The following UBL7 variants were observed in gnomAD, a reference collection of about 807,000 sequenced individuals.
The protein encoded by UBL7 is ubiquitin like 7.
UBL7 carries 21 observed loss-of-function variants against 41.7 expected under a neutral mutation model. That is an observed-to-expected ratio of 0.50 (90% CI 0.36 to 0.73). UBL7 has a LOEUF of 0.73. Ranked by LOEUF, UBL7 falls within the 30% of genes least tolerant of loss-of-function variation. The pLI, the probability that UBL7 is intolerant of heterozygous loss-of-function variation, is 0.00. For missense variants in UBL7, 403 were observed against 478.4 expected, an observed-to-expected ratio of 0.84 and a Z score of 1.47; for synonymous variants, 157 against 186.9, an observed-to-expected ratio of 0.84 and a Z score of 1.31.
chr15:74,449,344 A>C lies in UBL7; in HGVS notation c.724T>G (p.Ser242Ala), dbSNP rs1163765532. ...CTGGGAGTACTGCTAGAGGGTGTGGACCTGGTGTTCTGGAGAAAGAAGACA... is the reference window on the plus strand; with the variant it reads ...CTGGGAGTACTGCTAGAGGGTGTGGCCCTGGTGTTCTGGAGAAAGAAGACA... ...DEDDFHPNTR[S>A]TPSSSTPSSR... Residue 242 changes from serine to alanine, a missense_variant, in exon 9 of 11, where the codon TCC (serine) becomes GCC (alanine). Physicochemically the swap from Ser to Ala is moderately conservative, Grantham distance 99. Coordinates refer to ENST00000395081, the MANE Select transcript of UBL7 (RefSeq NM_032907.5). 6.2e-7 allele frequency: 1 copy of C among 1,614,016 alleles called. No individual in the cohort carries two copies. Among genetic ancestry groups the C allele is most frequent in the Non-Finnish European group, 8.5e-7 (1 of 1,179,966 alleles).
In UBL7 at chr15:74,445,993, G is replaced by T; in HGVS notation, c.*97C>A. 1 of 1,492,468 alleles carries T rather than the reference G, an allele frequency of 6.7e-7. No homozygotes were observed. Among genetic ancestry groups the T allele is most frequent in the Non-Finnish European group, 9.1e-7 (1 of 1,104,372 alleles). 92.5% of individuals were successfully genotyped at this position (1,492,468 alleles called of 1,614,324 possible). Reference sequence around the variant, plus strand: ...ACAAAGCAGGAGAGTTGACCATCAGGTATATTGGGGAAGGGAGAGATGGAG... The same window carrying T: ...ACAAAGCAGGAGAGTTGACCATCAGTTATATTGGGGAAGGGAGAGATGGAG... On this transcript the variant is annotated 3_prime_UTR_variant, in exon 11 of 11. Transcript: ENST00000395081.
chr15:74,450,980 T>C, intron 5 of UBL7, 121 bp from the exon 6 acceptor site: 2 of 1,032,420 alleles, frequency 1.9e-6, no homozygotes, highest in Non-Finnish European at 2.9e-6. Flanking sequence ...CCAATCTTCA[T>C]GAGAAGTAGA....
At chr15:74,456,201 G>C (rs530423102) in intron 3 of UBL7, among the ~76,000 whole-genome samples, 21 of 152,116 alleles carry the variant, frequency 1.4e-4, no homozygotes, top group Admixed American at 2.6e-4. Flanking sequence ...GGGAGGCTGA[G>C]GCATGAGAAT....
intron 1 of UBL7, 178 bp downstream of exon 1, chr15:74,460,858 GT>G: frequency 8.4e-7 from 1 of 1,194,604 alleles, no homozygotes; most frequent in Non-Finnish European, 1.1e-6. Context: ...TCCACCTCAA[GT>G]TTATGCCAGA....
chr15:74,449,847 C>G, intron 7 of UBL7, 89 bp downstream of exon 7: 2 of 1,546,472 alleles, frequency 1.3e-6, no homozygotes, highest in Non-Finnish European at 1.7e-6. Context: ...ACGCCCTCTG[C>G]CAACGCTATA....
At chr15:74,451,210 G>C (rs2061242630) in intron 5 of UBL7, among the ~76,000 whole-genome samples, 2 of 151,980 alleles carry the variant, frequency 1.3e-5, no homozygotes, top group African/African-American at 2.4e-5. Context: ...TCCTCATTTG[G>C]CATCCTCATA....
At chr15:74,452,801 T>C (rs1319511176) in intron 3 of UBL7, among the ~76,000 whole-genome samples, 1 of 152,092 alleles carries the variant, frequency 6.6e-6, no homozygotes, top group Non-Finnish European at 1.5e-5. Flanking sequence ...AACCTCCACC[T>C]CCCTGGTTGA....
intron 7 of UBL7, 40 bp downstream of exon 7, chr15:74,449,896 G>T: frequency 5.7e-6 from 9 of 1,588,308 alleles, no homozygotes; most frequent in Non-Finnish European, 7.7e-6. Flanking sequence ...GGCCACTGCC[G>T]GCTCCTGAGG....
At chr15:74,459,836 G>A (rs2061331289) in intron 1 of UBL7, among the ~76,000 whole-genome samples, 1 of 146,788 alleles carries the variant, frequency 6.8e-6, no homozygotes, top group Non-Finnish European at 1.5e-5. Flanking sequence ...GTGGTAGTGC[G>A]CACCTGTAGT....
At chr15:74,449,484 A>T in intron 8 of UBL7, 131 bp from the exon 9 acceptor site, 1 of 1,539,754 alleles carries the variant, frequency 6.5e-7, no homozygotes, top group Non-Finnish European at 8.9e-7. Flanking sequence ...CCAAAAGCAG[A>T]AATAGTATGA....
In UBL7 at chr15:74,456,671, T is replaced by C. The variant is rs988113217; in HGVS notation, c.185A>G (p.Asp62Gly). The part of the protein sequence containing the change: ...QESVPDPELI[D>G]LIYCGRKLKD... ...TAGCTTCCGACCACAGTAGATCAGA[T>C]CTAAAAAAAGAACTGTCCACTTATA... Residue 62 changes from aspartate to glycine, a missense_variant and splice_region_variant, in exon 3 of 11, where the codon GAT becomes GGT. Physicochemically the swap from Asp to Gly is moderately conservative, Grantham distance 94. Coordinates refer to ENST00000395081, the MANE Select transcript of UBL7 (RefSeq NM_032907.5). The C allele has an allele frequency of 6.2e-7, 1 of 1,611,760 alleles. No homozygotes were observed. Among genetic ancestry groups the C allele is most frequent in the Non-Finnish European group, 8.5e-7 (1 of 1,178,756 alleles).
At position 74,449,963 on chromosome 15, in the gene UBL7, G is replaced by A; in HGVS notation, c.637C>T (p.Pro213Ser). The A allele has an allele frequency of 6.2e-7, 1 of 1,612,912 alleles. No homozygotes were observed. Among genetic ancestry groups the A allele is most frequent in the Non-Finnish European group, 8.5e-7 (1 of 1,179,590 alleles). The change falls in exon 7 of 11, where the codon CCC (proline) becomes TCC (serine). Residue 213 changes from proline (P) to serine (S), a missense_variant. Coordinates refer to ENST00000395081, the MANE Select transcript of UBL7 (RefSeq NM_032907.5). Reference sequence around the variant, plus strand: ...GGCATATCCCGGTATGAGCTGGAGGGCATGCTCCGGGAAGAGGAGTCAGTC... The same window carrying A: ...GGCATATCCCGGTATGAGCTGGAGGACATGCTCCGGGAAGAGGAGTCAGTC... ...PGTDSSSRSM[P>S]SSSYRDMPGG...
At chr15:74,449,844 C>G (rs776510883) in intron 7 of UBL7, 92 bp downstream of exon 7, 70 of 1,544,308 alleles carry the variant, frequency 4.5e-5, no homozygotes, top group Non-Finnish European at 6.0e-5. Flanking sequence ...GGAACGCCCT[C>G]TGCCAACGCT....
intron 3 of UBL7, among the ~76,000 whole-genome samples, chr15:74,455,544 A>C (rs1330527307): frequency 1.3e-5 from 2 of 152,250 alleles, no homozygotes; most frequent in South Asian, 4.1e-4. Flanking sequence ...CAGCATTAGG[A>C]AAGTGCCAAA....
At chr15:74,460,040 G>A (rs2061334335) in intron 1 of UBL7, among the ~76,000 whole-genome samples, 1 of 142,826 alleles carries the variant, frequency 7.0e-6, no homozygotes, top group South Asian at 2.4e-4. Flanking sequence ...TCAGGTGTTT[G>A]AAACCAGCCT....
chr15:74,446,897 CAG>C lies in UBL7; in HGVS notation c.1006-672_1006-671del, dbSNP rs2061188854. Among the ~76,000 whole-genome samples, 1 of 152,044 alleles carries C rather than the reference CAG, an allele frequency of 6.6e-6. No homozygotes were observed. Among genetic ancestry groups the C allele is most frequent in the Non-Finnish European group, 1.5e-5 (1 of 68,020 alleles). On this transcript the variant is annotated intron_variant, in intron 10 of 10. Transcript: ENST00000395081. The surrounding 1 kb of genome is among the most constrained non-coding windows in gnomAD (Gnocchi z 4.1). Reference sequence around the variant, plus strand: ...CATTAATATCTCTATTTCATGACAGCAGGGATGAGCACAATTTAGGGAAAACA... The same window carrying C: ...CATTAATATCTCTATTTCATGACAGCGGATGAGCACAATTTAGGGAAAACA...
rs1200702774 is a variant in UBL7, at chr15:74,449,120, A to C, written c.882+66T>G. The C allele has an allele frequency of 2.5e-5, 38 of 1,492,414 alleles. No individual in the cohort carries two copies. The East Asian group carries it at 8.6e-4, about 34-fold the overall frequency. The allele number at this position is 1,492,414 out of a possible 1,614,324, so 92.4% of individuals were successfully genotyped here. A position where few individuals can be genotyped will look rare whatever the true frequency, so the allele number is the denominator to read the frequency against. ...CACCAGGGTCAGCAAAGGCAAATCTACTCTACTGCTGGGGAGCTTGTTCCT... is the reference window on the plus strand; with the variant it reads ...CACCAGGGTCAGCAAAGGCAAATCTCCTCTACTGCTGGGGAGCTTGTTCCT... On this transcript the variant is annotated intron_variant, in intron 9 of 10. Coordinates refer to ENST00000395081, the MANE Select transcript of UBL7 (RefSeq NM_032907.5).
chr15:74,460,738 A>G (rs2061341087), intron 1 of UBL7: 1 of 1,288,204 alleles, frequency 7.8e-7, no homozygotes, highest in Non-Finnish European at 1.0e-6. Context: ...AAGCAAGATA[A>G]GTTCTTGTTA....
chr15:74,456,306 A>C (rs1468778946), intron 3 of UBL7, among the ~76,000 whole-genome samples: 1 of 152,174 alleles, frequency 6.6e-6, no homozygotes, highest in Non-Finnish European at 1.5e-5. Flanking sequence ...TGTCTCAAAA[A>C]AACCAAAAAA....
Sources: gnomAD v4.1 joint callset for allele counts (sites outside exome capture counted in the v4.1 genomes callset) on GRCh38, gnomAD v4.1.1 for gene constraint, Gnocchi (gnomAD v3.1) non-coding constraint, MANE v1.5 for transcripts, NCBI Gene and HGNC (gene_info 2026-07-23, HGNC 2026-07-21) for gene names.